ERP29: variants seen among roughly 807,000 people sequenced by gnomAD.
The protein encoded by ERP29 is endoplasmic reticulum resident protein 29.
Under a neutral mutation model 21.7 loss-of-function variants are expected in ERP29, and 14 were observed. The ratio of observed to expected loss-of-function variants is 0.64; its 90% CI spans 0.43 to 1.01. The LOEUF (loss-of-function observed/expected upper bound fraction) is 1.01, where lower values mean the gene tolerates loss of function less well. Among genes scored for constraint, ERP29 ranks in the 50% least tolerant of loss-of-function variants. ERP29 has a pLI of 0.00. For missense variants in ERP29, 286 were observed against 327.3 expected (o/e 0.87, Z 0.97); for synonymous variants, 129 against 139.1 (o/e 0.93, Z 0.51).
chr12:112,019,914 G>T lies in ERP29; in HGVS notation c.283+20G>T. The T allele has an allele frequency of 6.2e-7, 1 of 1,613,314 alleles. No homozygotes were observed. Among genetic ancestry groups the T allele is most frequent in the Admixed American group, 1.7e-5 (1 of 60,006 alleles). ...TCTCAGGTATGGACAAGTCCAGGAC[G>T]GCTGGGGGGGCAGAGAGGGAGGAAG... On this transcript the variant is annotated intron_variant, in intron 2 of 2. Coordinates refer to ENST00000261735, the MANE Select transcript of ERP29 (RefSeq NM_006817.4).
intron 1 of ERP29, among the ~76,000 whole-genome samples, chr12:112,018,560 A>G (rs754656459): frequency 1.3e-5 from 2 of 152,246 alleles, no homozygotes; most frequent in Non-Finnish European, 2.9e-5. Flanking sequence ...GGCTTGTTAG[A>G]TAAAACTTGT....
intron 1 of ERP29, 30 bp from the exon 2 acceptor site, chr12:112,019,726 A>G (rs780944727): frequency 1.1e-5 from 18 of 1,613,798 alleles, no homozygotes; most frequent in African/African-American, 2.7e-5. Context: ...TCCCTGGAAC[A>G]CCCACTTGCT....
intron 1 of ERP29, 131 bp downstream of exon 1, chr12:112,013,740 C>T (rs1565986273): frequency 2.0e-6 from 2 of 995,450 alleles, no homozygotes; most frequent in Non-Finnish European, 2.9e-6. Flanking sequence ...AGCTTCCCGG[C>T]GTCCTACAGG....
chr12:112,017,582 G>A (rs930971804), intron 1 of ERP29, among the ~76,000 whole-genome samples: 1 of 152,158 alleles, frequency 6.6e-6, no homozygotes, highest in African/African-American at 2.4e-5. Context: ...CCAGAGGGAT[G>A]TGATCTTATT....
At chr12:112,016,748 G>A (rs113478887) in intron 1 of ERP29, among the ~76,000 whole-genome samples, 1 of 152,066 alleles carries the variant, frequency 6.6e-6, no homozygotes, top group African/African-American at 2.4e-5. Context: ...AAAATTAGCC[G>A]GACGTGGTGG....
chr12:112,022,434 A>T lies in ERP29; in HGVS notation c.568A>T (p.Ser190Cys), dbSNP rs1312342367. The T allele has an allele frequency of 3.7e-6, 6 of 1,614,080 alleles. No homozygotes were observed. The highest frequency in any genetic ancestry group is 3.4e-6 in the Non-Finnish European group (4 of 1,180,028). Residue 190 changes from serine (S) to cysteine (C), a missense_variant, in exon 3 of 3, where the codon AGT becomes TGT. Transcript: ENST00000261735. ...GAAGCAGGGGCAAGATAACCTCTCA[A>T]GTGTGAAGGAGACTCAGAAGAAGTG... ...LLKQGQDNLS[S>C]VKETQKKWAE...
intron 2 of ERP29, 115 bp downstream of exon 2, chr12:112,020,009 G>GT (rs2078036404): frequency 1.5e-6 from 2 of 1,293,692 alleles, no homozygotes; most frequent in Middle Eastern, 2.1e-4. Context: ...CTCAAGGAGT[G>GT]TAAGTAAACA....
chr12:112,015,853 C>T (rs2078008975), intron 1 of ERP29, among the ~76,000 whole-genome samples: 1 of 152,194 alleles, frequency 6.6e-6, no homozygotes, highest in Admixed American at 6.5e-5. Flanking sequence ...ATATTCCTTG[C>T]TCTTTACTGC....
At chr12:112,018,295 G>A (rs2078025747) in intron 1 of ERP29, among the ~76,000 whole-genome samples, 1 of 152,012 alleles carries the variant, frequency 6.6e-6, no homozygotes, top group Non-Finnish European at 1.5e-5. Flanking sequence ...GAATACAGGT[G>A]TGTGCCACCA....
At chr12:112,017,219 G>A (rs1055181509) in intron 1 of ERP29, among the ~76,000 whole-genome samples, 5 of 152,178 alleles carry the variant, frequency 3.3e-5, no homozygotes, top group African/African-American at 1.2e-4. Flanking sequence ...TCCAGGCACT[G>A]TTGAGCACTA....
chr12:112,017,315 A>G (rs1161990343), intron 1 of ERP29, among the ~76,000 whole-genome samples: 1 of 152,216 alleles, frequency 6.6e-6, no homozygotes. Flanking sequence ...GCAAATAAGG[A>G]TTTCAGAGAG....
rs1480518406 is a variant in ERP29 at position 112,023,317 on chromosome 12, T to G, written c.*665T>G. The G allele has an allele frequency of 6.6e-6, 1 of 152,244 alleles. No individual in the cohort carries two copies. Among genetic ancestry groups the G allele is most frequent in the Non-Finnish European group, 1.5e-5 (1 of 68,040 alleles). 9.4% of individuals were successfully genotyped at this position (152,244 alleles called of 1,614,324 possible). A position where few individuals can be genotyped will look rare whatever the true frequency, so the allele number is the denominator to read the frequency against. On this transcript the variant is annotated 3_prime_UTR_variant, in exon 3 of 3. Coordinates refer to ENST00000261735, the MANE Select transcript of ERP29 (RefSeq NM_006817.4). ...GCAAATTCTTAGTTTTACTGATATA[T>G]TCTGTGACTTGGATTTACACAGCTA...
intron 1 of ERP29, chr12:112,019,352 G>GTTTAT (rs1555230235): frequency 3.6e-6 from 1 of 274,720 alleles, no homozygotes; most frequent in Non-Finnish European, 7.2e-6. Flanking sequence ...AGGTAGGTTT[G>GTTTAT]TTTATTTTTG....
In ERP29 at chr12:112,013,710, G is replaced by A. The variant is rs527733752; in HGVS notation, c.144+101G>A. 4.5e-5 allele frequency: 59 copies of A among 1,309,808 alleles called. No homozygotes were observed. In the African/African-American group the frequency reaches 8.1e-4, roughly 18 times the overall value. The allele number at this position is 1,309,808 out of a possible 1,614,324, so 81.1% of individuals were successfully genotyped here. ...GGATTCCGGGAGCTGACGGGAGGTG[G>A]TCTGTAGCAACGGTCCCAGAGCTTC... On this transcript the variant is annotated intron_variant, in intron 1 of 2. Transcript: ENST00000261735.
At chr12:112,019,943 G>T (rs1470091542) in intron 2 of ERP29, 49 bp downstream of exon 2, 30 of 1,608,762 alleles carry the variant, frequency 1.9e-5, no homozygotes, top group Non-Finnish European at 2.5e-5. Context: ...GAGGAAGCTA[G>T]AAATCGTTTC....
At chr12:112,022,068 C>T (rs1455857777) in intron 2 of ERP29, 82 bp from the exon 3 acceptor site, 4 of 1,421,258 alleles carry the variant, frequency 2.8e-6, no homozygotes, top group Admixed American at 2.0e-5. Context: ...TCTTCTTTCC[C>T]TCAGTTCAGC....
chr12:112,018,477 A>T (rs963817326), intron 1 of ERP29, among the ~76,000 whole-genome samples: 2 of 152,184 alleles, frequency 1.3e-5, no homozygotes, highest in African/African-American at 4.8e-5. Flanking sequence ...TGATGAAAAA[A>T]CTTGATAGGG....
intron 1 of ERP29, 55 bp downstream of exon 1, chr12:112,013,664 G>A: frequency 6.7e-7 from 1 of 1,485,566 alleles, no homozygotes; most frequent in Non-Finnish European, 9.0e-7. Flanking sequence ...CCGGAAGAGC[G>A]CGCGCCCGTG....
intron 2 of ERP29, among the ~76,000 whole-genome samples, chr12:112,021,833 ATACTCT>A (rs2078048700): frequency 6.6e-6 from 1 of 152,080 alleles, no homozygotes; most frequent in Non-Finnish European, 1.5e-5. Flanking sequence ...TCCGAGCTTA[ATACTCT>A]TAATCACAAG....
Sources: allele counts gnomAD v4.1 joint callset (sites outside exome capture counted in the v4.1 genomes callset), GRCh38; gene constraint gnomAD v4.1.1; transcripts MANE v1.5; gene names NCBI Gene and HGNC (gene_info 2026-07-23, HGNC 2026-07-21).